MSI2: variants seen among roughly 807,000 people sequenced by gnomAD.
MSI2 encodes musashi RNA binding protein 2.
MSI2 carries 17 observed loss-of-function variants against 45.6 expected under a neutral mutation model. That is an observed-to-expected ratio of 0.37 (90% CI 0.26 to 0.56). The LOEUF (loss-of-function observed/expected upper bound fraction) is 0.56. Ranked by LOEUF, MSI2 falls within the 20% of genes least tolerant of loss-of-function variation. The probability of loss-of-function intolerance (pLI) is 0.77; values close to 1 mark genes in which losing one functional copy is unlikely to be tolerated. For synonymous variants in MSI2, 156 were observed against 158.2 expected (o/e 0.99, Z 0.11); for missense variants, 293 against 444.2 (o/e 0.66, Z 3.06).
Position 57,256,704 on chromosome 17 carries a change from C to A in MSI2, c.-39C>A. ...CCGCTCCGCTCCGATCGCTGTGGGG[C>A]TTGGTTTTTTGGGGGTGGGGGGGCG... On this transcript the variant is annotated 5_prime_UTR_variant, in exon 1 of 14. Coordinates refer to ENST00000284073, the MANE Select transcript of MSI2 (RefSeq NM_138962.4). 2.0e-6 allele frequency: 2 copies of A among 1,014,504 alleles called. No individual in the cohort carries two copies. Among genetic ancestry groups the A allele is most frequent in the Non-Finnish European group, 2.6e-6 (2 of 778,500 alleles). The allele number at this position is 1,014,504 out of a possible 1,614,324, so 62.8% of individuals were successfully genotyped here. A position where few individuals can be genotyped will look rare whatever the true frequency, so the allele number is the denominator to read the frequency against.
intron 6 of MSI2, among the ~76,000 whole-genome samples, chr17:57,423,990 G>A (rs964444576): frequency 2.0e-5 from 3 of 152,224 alleles, no homozygotes; most frequent in Admixed American, 2.0e-4. Context: ...GGACAAGTAT[G>A]TATGAAGTTC....
chr17:57,381,843 G>A (rs2083603361), intron 5 of MSI2, among the ~76,000 whole-genome samples: 1 of 152,224 alleles, frequency 6.6e-6, no homozygotes, highest in Non-Finnish European at 1.5e-5. Context: ...AATCACTTAG[G>A]TGTAGAGTCG....
At chr17:57,690,149 GTTT>G in the MSI2 span, among the ~76,000 whole-genome samples, 61,129 of 142,242 alleles carry the variant, frequency 0.43, 13,337 homozygotes, top group Middle Eastern at 0.5. Context: ...GTATTGTTCA[GTTT>G]TTTTTTTTTT....
chr17:57,453,638 G>A (rs577012886), intron 6 of MSI2, among the ~76,000 whole-genome samples: 125 of 152,254 alleles, frequency 8.2e-4, no homozygotes, highest in African/African-American at 2.7e-3. Flanking sequence ...TGCCGGGCAC[G>A]CTTTTCTATT....
intron 5 of MSI2, among the ~76,000 whole-genome samples, chr17:57,386,563 C>T (rs986347169): frequency 6.6e-6 from 1 of 152,176 alleles, no homozygotes; most frequent in African/African-American, 2.4e-5. Flanking sequence ...AAGTCCTTAA[C>T]TTCCATTCTA....
intron 6 of MSI2, among the ~76,000 whole-genome samples, chr17:57,502,619 A>ATATATATATATATATATATG (rs1157145014): frequency 2.5e-5 from 3 of 119,082 alleles, no homozygotes; most frequent in Middle Eastern, 4.3e-3. Context: ...ATATATATAT[A>ATATATATATATATATATATG]TATATATATA....
chr17:57,538,277 C>T (rs1027112371), intron 7 of MSI2, among the ~76,000 whole-genome samples: 6 of 152,112 alleles, frequency 3.9e-5, no homozygotes, highest in Non-Finnish European at 7.4e-5. Flanking sequence ...GCTGCCTCCC[C>T]GTTGGGACTT....
chr17:57,686,060 G>T (rs1913871628), downstream of MSI2, among the ~76,000 whole-genome samples: 1 of 152,180 alleles, frequency 6.6e-6, no homozygotes, highest in Non-Finnish European at 1.5e-5. Context: ...GGTCAAATAA[G>T]GTGGATAATT....
chr17:57,584,863 C>G (rs890625462), intron 7 of MSI2, among the ~76,000 whole-genome samples: 1 of 151,790 alleles, frequency 6.6e-6, no homozygotes, highest in Non-Finnish European at 1.5e-5. Flanking sequence ...GCTCTGTCAC[C>G]CAGGCTAGAA....
intron 6 of MSI2, among the ~76,000 whole-genome samples, chr17:57,496,206 A>G (rs969342828): frequency 6.6e-6 from 1 of 152,196 alleles, no homozygotes; most frequent in African/African-American, 2.4e-5. Context: ...CCAGCCTGTC[A>G]ATCACCCGGT....
Position 57,257,146 on chromosome 17 carries a change from AGGGAG to A in MSI2, c.103+12_103+16del. The A allele has an allele frequency of 8.7e-6, 4 of 460,956 alleles. No individual in the cohort carries two copies. Among genetic ancestry groups the A allele is most frequent in the Non-Finnish European group, 1.7e-5 (4 of 238,018 alleles). The allele number at this position is 460,956 out of a possible 1,614,324, so 28.6% of individuals were successfully genotyped here. On this transcript the variant is annotated intron_variant, in intron 2 of 13. Coordinates refer to ENST00000284073, the MANE Select transcript of MSI2 (RefSeq NM_138962.4). ...GCTGGCAGACCTCACCAGGTAAGGGAGGGAGGGGGGGACGCCTGGGTCCCCCCCTT... is the reference window on the plus strand; with the variant it reads ...GCTGGCAGACCTCACCAGGTAAGGGAGGGGGGACGCCTGGGTCCCCCCCTT...
At chr17:57,443,747 AG>A (rs1289044892) in intron 6 of MSI2, among the ~76,000 whole-genome samples, 2 of 152,114 alleles carry the variant, frequency 1.3e-5, no homozygotes, top group Non-Finnish European at 2.9e-5. Context: ...CCTTGGGCAA[AG>A]CTTTTCACCT....
At chr17:57,466,319 G>T (rs564292766) in intron 6 of MSI2, among the ~76,000 whole-genome samples, 1 of 152,302 alleles carries the variant, frequency 6.6e-6, no homozygotes, top group Non-Finnish European at 1.5e-5. Context: ...CTGGTAACCT[G>T]GCCTCTCCCA....
chr17:57,303,223 T>C (rs766699499), intron 5 of MSI2, among the ~76,000 whole-genome samples: 1 of 152,162 alleles, frequency 6.6e-6, no homozygotes, highest in Non-Finnish European at 1.5e-5. Context: ...CCTGTGAAAA[T>C]AGACCTTTGA....
intron 5 of MSI2, among the ~76,000 whole-genome samples, chr17:57,270,476 C>T (rs892821231): frequency 6.6e-6 from 1 of 152,216 alleles, no homozygotes; most frequent in Non-Finnish European, 1.5e-5. Context: ...ATAAAATGCT[C>T]AGGCTGAGGA....
chr17:57,512,184 G>C lies in MSI2; in HGVS notation c.406-17492G>C, dbSNP rs185463001. 4.3e-4 allele frequency among the ~76,000 whole-genome samples: 66 copies of C among 152,246 alleles called. 1 individual carries two copies. The East Asian group carries it at 8.7e-3, about 20-fold the overall frequency. On this transcript the variant is annotated intron_variant, in intron 6 of 13. Coordinates refer to ENST00000284073, the MANE Select transcript of MSI2 (RefSeq NM_138962.4). ...CGTATCCTGCACTGATGGCGCCTCT[G>C]TCCCCATGAACTCAAGGACAGGAAT...
At chr17:57,314,549 C>A (rs186678994) in intron 5 of MSI2, among the ~76,000 whole-genome samples, 1 of 144,692 alleles carries the variant, frequency 6.9e-6, no homozygotes, top group Admixed American at 7.0e-5. Context: ...ACCACCTGTT[C>A]AGTCAGGCAC....
At chr17:57,348,846 A>C (rs1052548116) in intron 5 of MSI2, among the ~76,000 whole-genome samples, 51 of 152,286 alleles carry the variant, frequency 3.3e-4, no homozygotes, top group Admixed American at 1.8e-3. Flanking sequence ...TTCCCAACTC[A>C]CATCCCCTCT....
chr17:57,264,025 A>C (rs1157633189), intron 5 of MSI2: 1 of 152,202 alleles, frequency 6.6e-6, no homozygotes, highest in East Asian at 1.9e-4. Context: ...TCTCAGTCTC[A>C]GTGTGCTCAT....
Sources: allele counts gnomAD v4.1 joint callset (sites outside exome capture counted in the v4.1 genomes callset), GRCh38; gene constraint gnomAD v4.1.1; transcripts MANE v1.5; gene names NCBI Gene and HGNC (gene_info 2026-07-23, HGNC 2026-07-21).